The following EFCAB6 variants were observed in gnomAD, a reference collection of about 807,000 sequenced individuals.
EFCAB6 encodes the protein EF-hand calcium-binding domain-containing protein 6.
EFCAB6 carries 156 observed loss-of-function variants against 169.8 expected under a neutral mutation model. The observed-to-expected ratio is 0.92, with a 90% CI of 0.81 to 1.05. EFCAB6 has a LOEUF of 1.05. Ranked by LOEUF, EFCAB6 falls within the 50% of genes least tolerant of loss-of-function variation. EFCAB6 has a pLI of 0.00. For missense variants in EFCAB6, 1,800 were observed against 1,829.1 expected, an observed-to-expected ratio of 0.98 and a Z score of 0.29; for synonymous variants, 698 against 676.4, an observed-to-expected ratio of 1.03 and a Z score of -0.50.
At chr22:43,682,581 T>C (rs2058046964) in intron 12 of EFCAB6, among the ~76,000 whole-genome samples, 1 of 152,204 alleles carries the variant, frequency 6.6e-6, no homozygotes, top group Non-Finnish European at 1.5e-5. Flanking sequence ...TGGGCAGCCC[T>C]GACCAGTGCT....
intron 10 of EFCAB6, among the ~76,000 whole-genome samples, chr22:43,690,642 G>T (rs1232719560): frequency 6.6e-6 from 1 of 151,912 alleles, no homozygotes; most frequent in Non-Finnish European, 1.5e-5. Flanking sequence ...CAATGGTGTG[G>T]CCCTGCTCAC....
At chr22:43,618,208 AAGAAAGAAAGAAAG>A (rs1304348256) in intron 20 of EFCAB6, among the ~76,000 whole-genome samples, 6 of 135,016 alleles carry the variant, frequency 4.4e-5, no homozygotes, top group Non-Finnish European at 1.0e-4. Flanking sequence ...GAAAGAAAGA[AAGAAAGAAAGAAAG>A]AGAAAGAAAG....
intron 30 of EFCAB6, among the ~76,000 whole-genome samples, chr22:43,534,189 C>T (rs1208570249): frequency 6.6e-6 from 1 of 152,102 alleles, no homozygotes; most frequent in Non-Finnish European, 1.5e-5. Context: ...GGGGGAGGTT[C>T]CCCCTTGCTG....
intron 19 of EFCAB6, among the ~76,000 whole-genome samples, chr22:43,629,508 A>G (rs1023769301): frequency 6.6e-6 from 1 of 152,206 alleles, no homozygotes; most frequent in African/African-American, 2.4e-5. Context: ...CAGCAAATAC[A>G]AATCGGTCAT....
intron 21 of EFCAB6, among the ~76,000 whole-genome samples, chr22:43,611,293 G>C (rs2053284553): frequency 6.6e-6 from 1 of 152,140 alleles, no homozygotes; most frequent in Non-Finnish European, 1.5e-5. Flanking sequence ...GCTAATCATG[G>C]AAGTGAAAGT....
chr22:43,794,145 G>C (rs562181284), intron 2 of EFCAB6, among the ~76,000 whole-genome samples: 4 of 152,244 alleles, frequency 2.6e-5, no homozygotes, highest in African/African-American at 9.6e-5. Context: ...TGATTGATAA[G>C]TATGAGTTTA....
chr22:43,599,562 G>C (rs2052336624), intron 23 of EFCAB6, among the ~76,000 whole-genome samples: 1 of 139,260 alleles, frequency 7.2e-6, no homozygotes, highest in African/African-American at 2.7e-5. Context: ...CACACTGCAG[G>C]TCACACCTTC....
chr22:43,694,157 T>C (rs1456348195), intron 10 of EFCAB6, among the ~76,000 whole-genome samples: 1 of 151,958 alleles, frequency 6.6e-6, no homozygotes, highest in Non-Finnish European at 1.5e-5. Flanking sequence ...AAACATGTTA[T>C]ATAATACTAG....
At chr22:43,776,077 G>C (rs192896847) in intron 3 of EFCAB6, among the ~76,000 whole-genome samples, 1 of 152,360 alleles carries the variant, frequency 6.6e-6, no homozygotes, top group Admixed American at 6.5e-5. Context: ...AACAGAAGAG[G>C]AAAAGGCTTA....
intron 17 of EFCAB6, among the ~76,000 whole-genome samples, chr22:43,665,959 C>A (rs185048322): frequency 2.6e-5 from 4 of 152,078 alleles, no homozygotes; most frequent in Non-Finnish European, 5.9e-5. Flanking sequence ...GGCTAATTTT[C>A]GTATTTTTAG....
chr22:43,594,275 C>CTAAA (rs2051812332), intron 23 of EFCAB6, among the ~76,000 whole-genome samples: 10 of 81,484 alleles, frequency 1.2e-4, no homozygotes, highest in East Asian at 2.6e-4. Context: ...AACTCTGTTT[C>CTAAA]AAAAAAAAAA....
In EFCAB6 at chr22:43,531,438, G is replaced by C. The variant is rs1047598766; in HGVS notation, c.4234-474C>G. Among the ~76,000 whole-genome samples the C allele has an allele frequency of 1.1e-4, 17 of 152,182 alleles. 1 individual carries two copies. Among genetic ancestry groups the C allele is most frequent in the Admixed American group, 9.8e-4 (15 of 15,288 alleles). On this transcript the variant is annotated intron_variant, in intron 30 of 31. Coordinates refer to ENST00000262726, the MANE Select transcript of EFCAB6 (RefSeq NM_022785.4). ...TTCTAGTAAGTTATTATAATGAACA[G>C]TGTTAAAAAAAATTCACAAGGTTGT...
Position 43,580,489 on chromosome 22 carries a change from T to C in EFCAB6, c.3203A>G (p.Glu1068Gly). 6.2e-7 allele frequency: 1 copy of C among 1,614,134 alleles called. No individual in the cohort carries two copies. The highest frequency in any genetic ancestry group is 8.5e-7 in the Non-Finnish European group (1 of 1,180,030). Residue 1068 changes from glutamate (E) to glycine (G), a missense_variant, in exon 25 of 32, where the codon GAG (glutamate) becomes GGG (glycine). Coordinates refer to ENST00000262726, the MANE Select transcript of EFCAB6 (RefSeq NM_022785.4). ...EAVRKIQEVV[E>G]SSQLALSTAF... ...CGTGGACAAAGCCAGCTGGGAGGAC[T>C]CAACTACTTCCTGGATCTTCCTCAC...
At chr22:43,706,034 C>T (rs1410882913) in intron 10 of EFCAB6, among the ~76,000 whole-genome samples, 1 of 152,004 alleles carries the variant, frequency 6.6e-6, no homozygotes, top group Non-Finnish European at 1.5e-5. Flanking sequence ...TAATTGATAC[C>T]ACAGAAATAC....
intron 24 of EFCAB6, among the ~76,000 whole-genome samples, chr22:43,581,952 G>A (rs1160001256): frequency 6.6e-6 from 1 of 152,128 alleles, no homozygotes; most frequent in Non-Finnish European, 1.5e-5. Flanking sequence ...AGTCTATTTT[G>A]GATCTAGAAA....
intron 6 of EFCAB6, among the ~76,000 whole-genome samples, chr22:43,737,295 G>A (rs1255511311): frequency 6.6e-6 from 1 of 151,692 alleles, no homozygotes; most frequent in African/African-American, 2.4e-5. Flanking sequence ...CACATGCACA[G>A]ATACATGCAC....
intron 18 of EFCAB6, among the ~76,000 whole-genome samples, chr22:43,632,928 G>T (rs982637579): frequency 6.6e-6 from 1 of 152,188 alleles, no homozygotes; most frequent in African/African-American, 2.4e-5. Context: ...CAAGAATATA[G>T]AATTCATTCA....
chr22:43,789,883 A>ACACAC (rs61135895), intron 2 of EFCAB6, among the ~76,000 whole-genome samples: 5 of 151,036 alleles, frequency 3.3e-5, no homozygotes, highest in African/African-American at 4.9e-5. Flanking sequence ...ACACACACAC[A>ACACAC]AAAGTCTTCC....
chr22:43,587,956 A>T (rs1032468850), intron 24 of EFCAB6, among the ~76,000 whole-genome samples: 4 of 152,254 alleles, frequency 2.6e-5, no homozygotes, highest in Non-Finnish European at 5.9e-5. Flanking sequence ...TTGAATTAGA[A>T]TTTCAGATAA....
Sources: gnomAD v4.1 joint callset for allele counts (sites outside exome capture counted in the v4.1 genomes callset) on GRCh38, gnomAD v4.1.1 for gene constraint, MANE v1.5 for transcripts, NCBI Gene and HGNC (gene_info 2026-07-23, HGNC 2026-07-21) for gene names.